The following CAAP1 variants were observed in gnomAD, a reference collection of about 807,000 sequenced individuals.
The protein encoded by CAAP1 is caspase activity and apoptosis inhibitor 1, also known as conserved anti-apoptotic protein.
A neutral mutation model predicts 34.0 loss-of-function variants in CAAP1; 20 were observed. The ratio of observed to expected loss-of-function variants is 0.59; its 90% confidence interval spans 0.41 to 0.86. CAAP1 has a LOEUF of 0.86. Ranked by LOEUF, CAAP1 falls within the 40% of genes least tolerant of loss-of-function variation. CAAP1 has a pLI of 0.00. For missense variants in CAAP1, 538 were observed against 450.5 expected (o/e 1.19, Z -1.76); for synonymous variants, 213 against 166.7 (o/e 1.28, Z -2.14).
At chr9:26,885,026 T>G (rs1823697072) in intron 3 of CAAP1, 141 bp from the exon 4 acceptor site, 2 of 622,086 alleles carry the variant, frequency 3.2e-6, no homozygotes, top group East Asian at 2.7e-5. Flanking sequence ...TTTTAATTGC[T>G]TGTATTTAAA....
Position 26,883,096 on chromosome 9 carries a change from T to G in CAAP1, c.665+1714A>C, listed in dbSNP as rs7033238. Among the ~76,000 whole-genome samples the G allele has an allele frequency of 2.0e-5, 3 of 152,110 alleles. No homozygotes were observed. The East Asian group carries it at 5.8e-4, about 29-fold the overall frequency. The stretch of plus-strand genomic sequence containing the variant: ...GATGAGCCTTTGGACTGTAGACTTT[T>G]GAGTTAATGCTGAAATGAGTTAAGA... On this transcript the variant is annotated intron_variant, in intron 4 of 5. Coordinates refer to ENST00000333916, the MANE Select transcript of CAAP1 (RefSeq NM_024828.4).
chr9:26,892,566 C>T lies in CAAP1; in HGVS notation c.150G>A (p.Gly50=), dbSNP rs1423314589. 6.3e-7 allele frequency: 1 copy of T among 1,589,402 alleles called. No homozygotes were observed. The highest frequency in any genetic ancestry group is 8.6e-7 in the Non-Finnish European group (1 of 1,168,556). The change falls in exon 1 of 6, where the codon GGG becomes GGA. Residue 50 remains glycine, a synonymous_variant. Transcript: ENST00000333916. The stretch of plus-strand genomic sequence containing the variant: ...TGGCGTTCCCACAGCAGCTGACGCT[C>T]CCGCAGCCCCCGGCGCTCCCGCAGC... ...TSGCGSAGGC[G]SVSCCGNANF...
chr9:26,888,150 A>C (rs987174006), intron 1 of CAAP1, among the ~76,000 whole-genome samples: 4 of 152,152 alleles, frequency 2.6e-5, no homozygotes, highest in Admixed American at 6.5e-5. Flanking sequence ...CCCTGCATCT[A>C]ATCTGAGGTC....
intron 4 of CAAP1, among the ~76,000 whole-genome samples, chr9:26,862,903 A>G (rs1054454048): frequency 6.6e-6 from 1 of 152,116 alleles, no homozygotes; most frequent in Non-Finnish European, 1.5e-5. Flanking sequence ...GGTGTATATA[A>G]CTTAGCCTCA....
intron 4 of CAAP1, among the ~76,000 whole-genome samples, chr9:26,861,564 C>T (rs2131310605): frequency 6.6e-6 from 1 of 152,136 alleles, no homozygotes; most frequent in East Asian, 1.9e-4. Context: ...TTAATGTCTA[C>T]AGTATGTGGA....
At chr9:26,882,217 A>T (rs1236551059) in intron 4 of CAAP1, among the ~76,000 whole-genome samples, 1 of 152,264 alleles carries the variant, frequency 6.6e-6, no homozygotes, top group Non-Finnish European at 1.5e-5. Context: ...AAAAATTTGC[A>T]TAAGTAACGA....
intron 4 of CAAP1, among the ~76,000 whole-genome samples, chr9:26,870,309 A>T (rs1170996337): frequency 1.3e-5 from 2 of 151,980 alleles, no homozygotes; most frequent in Non-Finnish European, 2.9e-5. Flanking sequence ...AACTGGGAGG[A>T]GGTTGTTTAA....
chr9:26,874,681 C>T (rs1414882481), intron 4 of CAAP1, among the ~76,000 whole-genome samples: 1 of 152,116 alleles, frequency 6.6e-6, no homozygotes, highest in African/African-American at 2.4e-5. Context: ...TTTTGTCACT[C>T]TCATTAATTT....
At chr9:26,849,608 A>G (rs545238821) in intron 5 of CAAP1, among the ~76,000 whole-genome samples, 1 of 147,736 alleles carries the variant, frequency 6.8e-6, no homozygotes, top group Admixed American at 6.7e-5. Context: ...CTCAGGCCCA[A>G]CTGTCTTTTA....
At chr9:26,892,076 G>A (rs1212823565) in intron 1 of CAAP1, among the ~76,000 whole-genome samples, 1 of 152,094 alleles carries the variant, frequency 6.6e-6, no homozygotes, top group Non-Finnish European at 1.5e-5. Flanking sequence ...GAAGACGAAG[G>A]GAGAAGTGTT....
chr9:26,850,333 T>G (rs538863675), intron 5 of CAAP1, among the ~76,000 whole-genome samples: 1 of 151,742 alleles, frequency 6.6e-6, no homozygotes, highest in Non-Finnish European at 1.5e-5. Context: ...AGAGTGGGGG[T>G]TGGAGAGACA....
intron 4 of CAAP1, among the ~76,000 whole-genome samples, chr9:26,881,261 A>C (rs796678501): frequency 1.3e-5 from 2 of 152,350 alleles, no homozygotes; most frequent in African/African-American, 4.8e-5. Flanking sequence ...GGTGTGAACC[A>C]CCATGCACAG....
intron 4 of CAAP1, among the ~76,000 whole-genome samples, chr9:26,874,206 CAAAAAAAAAAAAAAA>C (rs34601727): frequency 3.8e-5 from 2 of 53,238 alleles, no homozygotes; most frequent in African/African-American, 7.3e-5. Flanking sequence ...GACTCTGTCT[CAAAAAAAAAAAAAAA>C]AAAAAAAAAA....
chr9:26,871,819 C>T (rs2131323481), intron 4 of CAAP1, among the ~76,000 whole-genome samples: 1 of 151,626 alleles, frequency 6.6e-6, no homozygotes, highest in Middle Eastern at 3.4e-3. Flanking sequence ...GAGGCTGAGG[C>T]AGAAGAATCA....
intron 4 of CAAP1, among the ~76,000 whole-genome samples, chr9:26,866,641 G>A (rs1391148748): frequency 6.6e-6 from 1 of 152,162 alleles, no homozygotes; most frequent in Non-Finnish European, 1.5e-5. Flanking sequence ...TACCTTTGAA[G>A]CTTGGGACCT....
chr9:26,868,182 T>G (rs535065050), intron 4 of CAAP1, among the ~76,000 whole-genome samples: 1 of 152,290 alleles, frequency 6.6e-6, no homozygotes, highest in East Asian at 1.9e-4. Context: ...ACATTCTAAT[T>G]CCCCAGAACT....
intron 4 of CAAP1, among the ~76,000 whole-genome samples, chr9:26,870,221 A>T (rs538885206): frequency 6.6e-6 from 1 of 152,104 alleles, no homozygotes; most frequent in Non-Finnish European, 1.5e-5. Context: ...AGTTCTATAG[A>T]TTCTGGAAAG....
At chr9:26,884,693 T>C (rs1360064329) in intron 4 of CAAP1, 117 bp downstream of exon 4, 5 of 782,882 alleles carry the variant, frequency 6.4e-6, no homozygotes, top group East Asian at 2.5e-5. Flanking sequence ...AATCTTTCTA[T>C]ACCACTGAAT....
chr9:26,869,828 G>T, intron 4 of CAAP1: 1 of 384,868 alleles, frequency 2.6e-6, no homozygotes, highest in Non-Finnish European at 3.6e-6. Flanking sequence ...TTTTTCAAAT[G>T]AAATGAACAA....
Sources: gnomAD v4.1 joint callset for allele counts (sites outside exome capture counted in the v4.1 genomes callset) on GRCh38, gnomAD v4.1.1 for gene constraint, MANE v1.5 for transcripts, NCBI Gene and HGNC (gene_info 2026-07-23, HGNC 2026-07-21) for gene names.